Variants in TNS3 observed in about 807,000 individuals in gnomAD.
TNS3 encodes tensin-3.
TNS3 carries 45 observed loss-of-function variants against 140.9 expected under a neutral mutation model. The ratio of observed to expected loss-of-function variants is 0.32; its 90% confidence interval spans 0.25 to 0.41. The LOEUF is 0.41. TNS3 is among the 10% of genes least tolerant of loss of function. The probability of loss-of-function intolerance (pLI) is 1.00; values close to 1 mark genes in which losing one functional copy is unlikely to be tolerated. For missense variants in TNS3, 1,716 were observed against 1,906.7 expected, an observed-to-expected ratio of 0.90 and a Z score of 1.86; for synonymous variants, 815 against 788.4, an observed-to-expected ratio of 1.03 and a Z score of -0.56.
chr7:47,441,250 C>T (rs1795451750), intron 5 of TNS3, among the ~76,000 whole-genome samples: 1 of 152,162 alleles, frequency 6.6e-6, no homozygotes, highest in Non-Finnish European at 1.5e-5. Context: ...GCAATCTCGG[C>T]TTACTGCAGT....
intron 2 of TNS3, among the ~76,000 whole-genome samples, chr7:47,522,021 A>G (rs184709246): frequency 6.6e-6 from 1 of 152,144 alleles, no homozygotes; most frequent in East Asian, 1.9e-4. Context: ...GCCTCCAGGA[A>G]GAAGGCCAGC....
chr7:47,430,131 CT>C (rs34003202), intron 8 of TNS3, among the ~76,000 whole-genome samples: 3,917 of 141,678 alleles, frequency 0.028, 144 homozygotes, highest in African/African-American at 0.09. Flanking sequence ...CTTTTCTTTT[CT>C]TTTTTTTTTT....
At chr7:47,389,111 GAAGAAGAAGAAGAA>G (rs751566648) in intron 16 of TNS3, among the ~76,000 whole-genome samples, 799 of 56,878 alleles carry the variant, frequency 0.014, 186 homozygotes, top group Admixed American at 0.11. Context: ...AGCGGAAGCA[GAAGAAGAAGAAGAA>G]GAAGAAGAAG....
rs948383869 is a variant in TNS3 at position 47,546,587 on chromosome 7, T to C, written c.-264-17440A>G. 2.6e-5 allele frequency among the ~76,000 whole-genome samples: 4 copies of C among 152,188 alleles called. No individual in the cohort carries two copies. The East Asian group carries it at 5.8e-4, about 22-fold the overall frequency. Reference sequence around the variant, plus strand: ...ATTGCTCTTATAATTTTTTTAAATATCACTAAAGTATACTTACAGCATAGT... The same window carrying C: ...ATTGCTCTTATAATTTTTTTAAATACCACTAAAGTATACTTACAGCATAGT... On this transcript the variant is annotated intron_variant, in intron 1 of 30. Coordinates refer to ENST00000311160, the MANE Select transcript of TNS3 (RefSeq NM_022748.12).
intron 1 of TNS3, chr7:47,579,265 A>G (rs541692864): frequency 6.7e-6 from 1 of 149,530 alleles, no homozygotes; most frequent in African/African-American, 2.5e-5. Flanking sequence ...TGCAGGGGTT[A>G]GCTGATTCCC....
chr7:47,515,796 C>T (rs1798760457), intron 2 of TNS3, among the ~76,000 whole-genome samples: 1 of 152,222 alleles, frequency 6.6e-6, no homozygotes, highest in Non-Finnish European at 1.5e-5. Context: ...ATCACCATCA[C>T]TAACAATATC....
chr7:47,530,595 G>A (rs1002595510), intron 1 of TNS3, among the ~76,000 whole-genome samples: 29 of 151,536 alleles, frequency 1.9e-4, no homozygotes, highest in Non-Finnish European at 2.8e-4. Flanking sequence ...AGGCAGAGGC[G>A]GGTGGATCAC....
intron 4 of TNS3, among the ~76,000 whole-genome samples, chr7:47,451,171 G>A (rs137971654): frequency 2.7e-4 from 41 of 152,228 alleles, no homozygotes; most frequent in Non-Finnish European, 4.7e-4. Context: ...AGGAATCCCA[G>A]CAAGGCCTAA....
At chr7:47,492,101 T>C (rs1797836529) in intron 3 of TNS3, among the ~76,000 whole-genome samples, 1 of 152,248 alleles carries the variant, frequency 6.6e-6, no homozygotes, top group Admixed American at 6.5e-5. Context: ...ACCTTAACTA[T>C]TGGCACCAGA....
At chr7:47,582,537 T>TCATA (rs1190615572), upstream of TNS3, 1 of 455,098 alleles carries the variant, frequency 2.2e-6, no homozygotes, top group East Asian at 7.0e-5. Flanking sequence ...CTCCTGTAGC[T>TCATA]CATAGCCTAG....
intron 4 of TNS3, among the ~76,000 whole-genome samples, chr7:47,456,333 C>T (rs1467904394): frequency 1.3e-5 from 2 of 152,110 alleles, no homozygotes; most frequent in Non-Finnish European, 2.9e-5. Context: ...CAAACACTGC[C>T]GACCGAGCTT....
intron 3 of TNS3, among the ~76,000 whole-genome samples, chr7:47,502,093 C>T (rs79640030): frequency 0.022 from 3,338 of 152,286 alleles, 109 homozygotes; most frequent in African/African-American, 0.075. Flanking sequence ...AAAAAGAACA[C>T]ATGGAACAGC....
At chr7:47,329,856 C>A (rs1788237017) in intron 20 of TNS3, among the ~76,000 whole-genome samples, 3 of 152,016 alleles carry the variant, frequency 2.0e-5, no homozygotes, top group African/African-American at 7.2e-5. Flanking sequence ...CTCAGTGACT[C>A]GGAGCAAACC....
At chr7:47,413,464 G>A (rs1435949293) in intron 12 of TNS3, among the ~76,000 whole-genome samples, 4 of 151,662 alleles carry the variant, frequency 2.6e-5, no homozygotes, top group African/African-American at 9.7e-5. Context: ...ATGGCCAGGG[G>A]CTCGGTGGCT....
At position 47,280,339 on chromosome 7, in the gene TNS3, C is replaced by T; in HGVS notation, c.4113G>A (p.Arg1371=). The T allele has an allele frequency of 6.2e-7, 1 of 1,614,118 alleles. No individual in the cohort carries two copies. The highest frequency in any genetic ancestry group is 2.2e-5 in the East Asian group (1 of 44,882). ...TDNQRKLFFR[R]HYPVNSVIFC... ...AAATCACACTGTTCACGGGGTAATG[C>T]CTCCGGAAGAAGAGCCTGTTGGGAC... Residue 1371 remains arginine (R), a synonymous_variant, in exon 29 of 31, where the codon AGG becomes AGA. Transcript: ENST00000311160.
At chr7:47,370,014 C>T (rs1332902643) in intron 16 of TNS3, among the ~76,000 whole-genome samples, 2 of 152,208 alleles carry the variant, frequency 1.3e-5, no homozygotes, top group African/African-American at 4.8e-5. Context: ...ACAAGAAGAG[C>T]TTCCGTTCAT....
At chr7:47,353,004 G>A (rs1584463995) in intron 17 of TNS3, among the ~76,000 whole-genome samples, 1 of 152,234 alleles carries the variant, frequency 6.6e-6, no homozygotes, top group Non-Finnish European at 1.5e-5. Flanking sequence ...ACCTATGAGA[G>A]GCCACAGCTT....
At chr7:47,491,542 G>A (rs1277346445) in intron 3 of TNS3, among the ~76,000 whole-genome samples, 3 of 152,134 alleles carry the variant, frequency 2.0e-5, no homozygotes, top group Admixed American at 1.3e-4. Context: ...GGTGAAAGGG[G>A]ACCCCACGGC....
At chr7:47,378,188 C>T (rs1283670178) in intron 16 of TNS3, among the ~76,000 whole-genome samples, 1 of 152,202 alleles carries the variant, frequency 6.6e-6, no homozygotes. Flanking sequence ...TGCTTTCCCC[C>T]TCTCTGGTCA....
Sources: allele counts gnomAD v4.1 joint callset (sites outside exome capture counted in the v4.1 genomes callset), GRCh38; gene constraint gnomAD v4.1.1; transcripts MANE v1.5; gene names NCBI Gene and HGNC (gene_info 2026-07-23, HGNC 2026-07-21).